TGM1: variants seen among roughly 807,000 people sequenced by gnomAD.
TGM1 encodes the protein transglutaminase 1, also known as protein-glutamine gamma-glutamyltransferase K.
A neutral mutation model predicts 88.7 loss-of-function variants in TGM1; 63 were observed. That is an observed-to-expected ratio of 0.71 (90% CI 0.58 to 0.88). TGM1 has a LOEUF of 0.88. Among genes scored for constraint, TGM1 ranks in the 40% least tolerant of loss-of-function variants. The pLI, the probability that TGM1 is intolerant of heterozygous loss-of-function variation, is 0.00. For synonymous variants in TGM1, 415 were observed against 431.1 expected, an observed-to-expected ratio of 0.96 and a Z score of 0.46; for missense variants, 996 against 1,118.0, an observed-to-expected ratio of 0.89 and a Z score of 1.56.
chr14:24,253,566 C>A (rs1243797105), intron 14 of TGM1, among the ~76,000 whole-genome samples: 2 of 152,160 alleles, frequency 1.3e-5, no homozygotes. Flanking sequence ...CAGCCTCAAC[C>A]TCTCCAGGCT....
At position 24,259,908 on chromosome 14, in the gene TGM1, G is replaced by A; in HGVS notation, c.876+32C>T. ...CCCCACACCCACCCCAGCTCCTCTG[G>A]GTGTATGTGACCCTGGCCAGCCGCA... On this transcript the variant is annotated intron_variant, in intron 5 of 14. Transcript: ENST00000206765. This position sits in a 1 kb window ranked among gnomAD's most constrained non-coding sequence, Gnocchi z 5.7. 1 of 1,611,908 alleles carries A rather than the reference G, an allele frequency of 6.2e-7. No homozygotes were observed. Among genetic ancestry groups the A allele is most frequent in the South Asian group, 1.1e-5 (1 of 91,046 alleles).
intron 14 of TGM1, 124 bp downstream of exon 14, chr14:24,254,028 C>T (rs2040722291): frequency 1.4e-6 from 2 of 1,427,748 alleles, no homozygotes; most frequent in South Asian, 2.5e-5. Context: ...CTGGCCCCAA[C>T]CTGCTTGGTT....
At position 24,258,097 on chromosome 14, in the gene TGM1, G is replaced by A. The variant is rs41293800; in HGVS notation, c.1402+188C>T. Among the ~76,000 whole-genome samples, 1,177 of 152,308 alleles carry A rather than the reference G, an allele frequency of 7.7e-3. 15 individuals are homozygous for A. Among genetic ancestry groups the A allele is most frequent in the African/African-American group, 0.027 (1,134 of 41,564 alleles). On this transcript the variant is annotated intron_variant, in intron 9 of 14. Coordinates refer to ENST00000206765, the MANE Select transcript of TGM1 (RefSeq NM_000359.3). ...TAAATAAGTAAAATGTAGGCAAATA[G>A]AGAGTTATATAGAATGGTAAAAATA...
chr14:24,256,487 C>T (rs995351552), intron 9 of TGM1, among the ~76,000 whole-genome samples: 1 of 152,202 alleles, frequency 6.6e-6, no homozygotes, highest in African/African-American at 2.4e-5. Flanking sequence ...CATAACCAAC[C>T]CAGAGTCCAC....
chr14:24,251,261 C>A (rs975137713), intron 14 of TGM1, among the ~76,000 whole-genome samples: 1 of 152,180 alleles, frequency 6.6e-6, no homozygotes, highest in Non-Finnish European at 1.5e-5. Flanking sequence ...TATGTCCTGA[C>A]TGCTTACAAA....
At position 24,254,242 on chromosome 14, in the gene TGM1, A is replaced by G. The variant is rs752892328; in HGVS notation, c.2135T>C (p.Val712Ala). ...VVGQECEVQIVFKNPLPVTLT... is the reference protein window; with the variant it reads ...VVGQECEVQIAFKNPLPVTLT... ...GGTGACGGGAAGGGGGTTCTTGAAGACAATCTGTACTTCACACTCCTGGCC... is the reference window on the plus strand; with the variant it reads ...GGTGACGGGAAGGGGGTTCTTGAAGGCAATCTGTACTTCACACTCCTGGCC... The change falls in exon 14 of 15, where the codon GTC (valine) becomes GCC (alanine). Residue 712 changes from valine (V) to alanine (A), a missense_variant. Transcript: ENST00000206765. 1 of 1,614,062 alleles carries G rather than the reference A, an allele frequency of 6.2e-7. No individual in the cohort carries two copies. The highest frequency in any genetic ancestry group is 8.5e-7 in the Non-Finnish European group (1 of 1,180,010).
At chr14:24,261,939 C>A (rs1282245421) in intron 2 of TGM1, 56 bp from the exon 3 acceptor site, 1 of 1,610,240 alleles carries the variant, frequency 6.2e-7, no homozygotes, top group East Asian at 2.2e-5. Flanking sequence ...AGGCCCTTAT[C>A]ATTAGCTTCC....
intron 14 of TGM1, among the ~76,000 whole-genome samples, chr14:24,250,196 T>C (rs979850555): frequency 9.3e-6 from 1 of 107,692 alleles, no homozygotes; most frequent in African/African-American, 3.9e-5. Context: ...GACAGAGAGG[T>C]GGGTGGACAA....
Position 24,259,720 on chromosome 14 carries a change from C to T in TGM1, c.968G>A (p.Arg323Gln), listed in dbSNP as rs121918717. ...GGTGCTCACCATGGCAGAGATGACC[C>T]GGGAGACATTGACTGGGTCTCCACG... ...GGRGDPVNVSRVISAMVNSLD... is the reference protein window; with the variant it reads ...GGRGDPVNVSQVISAMVNSLD... Residue 323 changes from arginine to glutamine, a missense_variant, in exon 6 of 15, where the codon CGG (arginine) becomes CAG (glutamine). Transcript: ENST00000206765. The surrounding 1 kb of genome is among the most constrained non-coding windows in gnomAD (Gnocchi z 5.7). 2.3e-5 allele frequency: 37 copies of T among 1,611,028 alleles called. No homozygotes were observed. The highest frequency in any genetic ancestry group is 3.3e-4 in the Middle Eastern group (2 of 6,016).
chr14:24,254,686 C>T lies in TGM1; in HGVS notation c.2066G>A (p.Arg689His), dbSNP rs764380548. 1.9e-5 allele frequency: 30 copies of T among 1,613,814 alleles called. No individual in the cohort carries two copies. The African/African-American group carries it at 2.1e-4, about 11-fold the overall frequency. ...CACCGTGAGGGAGAGGTCTGGGGTG[C>T]GCAGACGGAAGGTGTGCTGCTTGGC... ...VLAKQHTFRL[R>H]TPDLSLTLLG... The change falls in exon 13 of 15, where the codon CGC becomes CAC. Residue 689 changes from arginine to histidine, a missense_variant. Coordinates refer to ENST00000206765, the MANE Select transcript of TGM1 (RefSeq NM_000359.3).
Position 24,262,256 on chromosome 14 carries a change from C to G in TGM1, c.97G>C (p.Gly33Arg). 6.2e-7 allele frequency: 1 copy of G among 1,613,600 alleles called. No individual in the cohort carries two copies. Residue 33 changes from glycine (G) to arginine (R), a missense_variant, in exon 2 of 15, where the codon GGA (glycine) becomes CGA (arginine). Coordinates refer to ENST00000206765, the MANE Select transcript of TGM1 (RefSeq NM_000359.3). ...CGGCCTCCTCCTCTGCGAGAGCGTC[C>G]GTCTGGCTCTGGCTCTGGCTCTGGA... Reference protein sequence around the residue: ...PSPEPEPEPDGRSRRGGGRSF... With the variant: ...PSPEPEPEPDRRSRRGGGRSF...
intron 14 of TGM1, among the ~76,000 whole-genome samples, chr14:24,250,148 CTG>C (rs1158480309): frequency 4.9e-4 from 70 of 142,998 alleles, no homozygotes; most frequent in Non-Finnish European, 6.3e-4. Flanking sequence ...CCTTATGTCT[CTG>C]TGTGTGTGTG....
chr14:24,261,277 T>C (rs904384389), intron 3 of TGM1, among the ~76,000 whole-genome samples: 3 of 151,672 alleles, frequency 2.0e-5, no homozygotes, highest in African/African-American at 2.4e-5. Context: ...CTGCCTTGGG[T>C]CATGGGGACA....
rs372498705 is a variant in TGM1 at position 24,258,649 on chromosome 14, G to A, written c.1184C>T (p.Thr395Ile). The change falls in exon 8 of 15, where the codon ACC (threonine) becomes ATC (isoleucine). Residue 395 changes from threonine to isoleucine, a missense_variant. By Grantham distance (89) the Thr-to-Ile change is moderately conservative (BLOSUM62 -1). Coordinates refer to ENST00000206765, the MANE Select transcript of TGM1 (RefSeq NM_000359.3). ...GGAGTTGAAGTTGGTGACAGTACGG[G>A]TGGCCAGACCCAGGCAGCGCAGCAC... ...TTVLRCLGLA[T>I]RTVTNFNSAH... 1.9e-6 allele frequency: 3 copies of A among 1,614,238 alleles called. No homozygotes were observed. Among genetic ancestry groups the A allele is most frequent in the African/African-American group, 2.7e-5 (2 of 75,056 alleles).
At position 24,255,032 on chromosome 14, in the gene TGM1, C is replaced by A. The variant is rs1301309366; in HGVS notation, c.1867G>T (p.Gly623Cys). The A allele has an allele frequency of 1.2e-6, 2 of 1,613,980 alleles. No individual in the cohort carries two copies. Among genetic ancestry groups the A allele is most frequent in the Non-Finnish European group, 1.7e-6 (2 of 1,180,044 alleles). ...TCCTTGAAGATGGTACCACTGACAC[C>A]AGTATAGAAAGTGACTGAGAGGTAG... is the stretch of plus-strand genomic sequence containing the variant. Reference protein sequence around the residue: ...HLYLSVTFYTGVSGTIFKETK... With the variant: ...HLYLSVTFYTCVSGTIFKETK... Residue 623 changes from glycine (G) to cysteine (C), a missense_variant, in exon 12 of 15, where the codon GGT becomes TGT. Transcript: ENST00000206765. This position sits in a 1 kb window ranked among gnomAD's most constrained non-coding sequence, Gnocchi z 4.0.
chr14:24,258,617 C>T lies in TGM1; in HGVS notation c.1216G>A (p.Asp406Asn), dbSNP rs200050519. Residue 406 changes from aspartate (D) to asparagine (N), a missense_variant, in exon 8 of 15, where the codon GAC becomes AAC. By Grantham distance (23) the Asp-to-Asn change is conservative. Transcript: ENST00000206765. ...TCCATGGTAAGGGATGTGTCTGTGTCGTGGGCGGAGTTGAAGTTGGTGACA... is the reference window on the plus strand; with the variant it reads ...TCCATGGTAAGGGATGTGTCTGTGTTGTGGGCGGAGTTGAAGTTGGTGACA... ...RTVTNFNSAH[D>N]TDTSLTMDIY... 2.1e-5 allele frequency: 34 copies of T among 1,614,180 alleles called. No homozygotes were observed. The highest frequency in any genetic ancestry group is 1.6e-4 in the Middle Eastern group (1 of 6,062).
intron 9 of TGM1, among the ~76,000 whole-genome samples, 166 bp from the exon 10 acceptor site, chr14:24,256,243 G>C (rs1391423635): frequency 3.9e-5 from 6 of 152,172 alleles, no homozygotes; most frequent in Non-Finnish European, 8.8e-5. Flanking sequence ...AACACTTGGG[G>C]GTCAGTTGAC....
chr14:24,262,393 G>A, intron 1 of TGM1, 39 bp from the exon 2 acceptor site: 2 of 1,604,310 alleles, frequency 1.2e-6, no homozygotes, highest in African/African-American at 1.3e-5. Flanking sequence ...AACCCAGGTA[G>A]TCCCAGCCAG....
intron 14 of TGM1, 29 bp downstream of exon 14, chr14:24,254,123 G>A (rs1169436923): frequency 6.3e-7 from 1 of 1,599,640 alleles, no homozygotes; most frequent in Non-Finnish European, 8.5e-7. Context: ...CAGAGTGGAA[G>A]CAGGGGTAGG....
Sources: allele counts gnomAD v4.1 joint callset (sites outside exome capture counted in the v4.1 genomes callset), GRCh38; gene constraint gnomAD v4.1.1; non-coding constraint Gnocchi (gnomAD v3.1); transcripts MANE v1.5; gene names NCBI Gene and HGNC (gene_info 2026-07-23, HGNC 2026-07-21).